GRM4: variants seen among roughly 807,000 people sequenced by gnomAD.
The protein encoded by GRM4 is metabotropic glutamate receptor 4.
Under a neutral mutation model 81.7 loss-of-function variants are expected in GRM4, and 28 were observed. The observed-to-expected ratio is 0.34, with a 90% CI of 0.25 to 0.47. The LOEUF (loss-of-function observed/expected upper bound fraction) is 0.47, where lower values mean the gene tolerates loss of function less well. Ranked by LOEUF, GRM4 falls within the 20% of genes least tolerant of loss-of-function variation. The pLI is 1.00. For missense variants in GRM4, 948 were observed against 1,290.0 expected (o/e 0.73, Z 4.06); for synonymous variants, 488 against 528.8 (o/e 0.92, Z 1.06).
rs762016714 is a variant in GRM4 at position 34,152,001 on chromosome 6, C to A, written c.312+3078G>T. On this transcript the variant is annotated intron_variant, in intron 1 of 8. Coordinates refer to the GRM4 transcript ENST00000374177. The surrounding 1 kb of genome is among the most constrained non-coding windows in gnomAD (Gnocchi z 4.1). ...AGGGCCAGGGACCTCACGACTGGGG[C>A]CTTAGATTGTGTCTGATGCCCCTGT... 6.6e-6 allele frequency among the ~76,000 whole-genome samples: 1 copy of A among 152,032 alleles called. No homozygotes were observed. Among genetic ancestry groups the A allele is most frequent in the Non-Finnish European group, 1.5e-5 (1 of 68,012 alleles).
rs78860211 is a variant in GRM4, at chr6:34,070,042, G to A, written c.737-8014C>T. Reference sequence around the variant, plus strand: ...ATGGAGAACTGAGTTCCTGACTGACGGGGTTTTGAAGGGACAGCTCGGCAG... The same window carrying A: ...ATGGAGAACTGAGTTCCTGACTGACAGGGTTTTGAAGGGACAGCTCGGCAG... On this transcript the variant is annotated intron_variant, in intron 3 of 10. Transcript: ENST00000538487. This position sits in a 1 kb window ranked among gnomAD's most constrained non-coding sequence, Gnocchi z 4.6. Among the ~76,000 whole-genome samples the A allele has an allele frequency of 0.076, 11,582 of 152,184 alleles. 893 individuals carry two copies. Among genetic ancestry groups the A allele is most frequent in the African/African-American group, 0.21 (8,566 of 41,510 alleles).
intron 8 of GRM4, 43 bp downstream of exon 8, chr6:34,040,135 C>T: frequency 1.3e-6 from 2 of 1,597,250 alleles, no homozygotes; most frequent in Non-Finnish European, 1.7e-6. Flanking sequence ...GGGGCTGGAA[C>T]TGCGTGAGTC....
chr6:34,039,825 AC>A (rs1162706217), intron 8 of GRM4, among the ~76,000 whole-genome samples: 1 of 44,806 alleles, frequency 2.2e-5, no homozygotes, highest in Non-Finnish European at 5.0e-5. Flanking sequence ...CCCCCCCATC[AC>A]CCCCCACTTG....
rs377272214 is a variant in GRM4, at chr6:34,061,858, C to T, written c.872+35G>A. ...CGTGGCTTTGCCCACACCTGCATGG[C>T]TCCCGGTGCCCACCCTGCTGCCACC... On this transcript the variant is annotated intron_variant, in intron 4 of 10. Coordinates refer to ENST00000538487, the MANE Select transcript of GRM4 (RefSeq NM_000841.4). 29 of 1,594,822 alleles carry T rather than the reference C, an allele frequency of 1.8e-5. No individual in the cohort carries two copies. In the African/African-American group the frequency reaches 2.7e-4, roughly 15 times the overall value.
Position 34,042,883 on chromosome 6 carries a change from C to T in GRM4, c.1169-2135G>A, listed in dbSNP as rs1490163569. Among the ~76,000 whole-genome samples the T allele has an allele frequency of 6.6e-6, 1 of 152,178 alleles. No individual in the cohort carries two copies. The highest frequency in any genetic ancestry group is 1.9e-4 in the East Asian group (1 of 5,192). ...GGCCACACCAGTGGCCACACCCACA[C>T]AAGGATGTGGGGATGGGGGATAGCT... On this transcript the variant is annotated intron_variant, in intron 6 of 10. Transcript: ENST00000538487. The surrounding 1 kb of genome is among the most constrained non-coding windows in gnomAD (Gnocchi z 4.2).
At chr6:34,053,774 T>C (rs1765727134) in intron 6 of GRM4, among the ~76,000 whole-genome samples, 1 of 152,216 alleles carries the variant, frequency 6.6e-6, no homozygotes, top group South Asian at 2.1e-4. Context: ...TAAACCGGAA[T>C]GTCTAGGGTA....
At position 34,034,338 on chromosome 6, in the gene GRM4, G is replaced by GT. The variant is rs530719066; in HGVS notation, c.2442+1329dup. Among the ~76,000 whole-genome samples, 279 of 152,090 alleles carry GT rather than the reference G, an allele frequency of 1.8e-3. 1 individual carries two copies. Among genetic ancestry groups the GT allele is most frequent in the African/African-American group, 6.1e-3 (253 of 41,448 alleles). ...ACTGTCTCCTCGTCTCCCACCCAACGTGCCATCCATTGGAAACCTGACCAG... is the reference window on the plus strand; with the variant it reads ...ACTGTCTCCTCGTCTCCCACCCAACGTTGCCATCCATTGGAAACCTGACCAG... On this transcript the variant is annotated intron_variant, in intron 9 of 10. Coordinates refer to ENST00000538487, the MANE Select transcript of GRM4 (RefSeq NM_000841.4). This position sits in a 1 kb window ranked among gnomAD's most constrained non-coding sequence, Gnocchi z 4.0.
chr6:34,089,265 C>T lies in GRM4; in HGVS notation c.736+2618G>A, dbSNP rs1318492560. On this transcript the variant is annotated intron_variant, in intron 3 of 10. Coordinates refer to ENST00000538487, the MANE Select transcript of GRM4 (RefSeq NM_000841.4). The surrounding 1 kb of genome is among the most constrained non-coding windows in gnomAD (Gnocchi z 4.3). ...TCAGAGTACGAATCAATACAATATA[C>T]GGCCAAAGACATCTTTAATCTTTCA... is the stretch of plus-strand genomic sequence containing the variant. 6.6e-6 allele frequency among the ~76,000 whole-genome samples: 1 copy of T among 152,096 alleles called. No homozygotes were observed. Among genetic ancestry groups the T allele is most frequent in the South Asian group, 2.1e-4 (1 of 4,820 alleles).
intron 1 of GRM4, among the ~76,000 whole-genome samples, chr6:34,143,841 T>A (rs1488765085): frequency 6.6e-6 from 1 of 152,170 alleles, no homozygotes; most frequent in Non-Finnish European, 1.5e-5. Flanking sequence ...TCTCCCTGCC[T>A]GCCCTAGGCC....
At position 34,115,744 on chromosome 6, in the gene GRM4, G is replaced by A. The variant is rs1769572769; in HGVS notation, c.519+17234C>T. ...ATAACTGTGCAGCGCGAGGCTGGAG[G>A]AGGAGTTCGAGGTTCTCACCCCAGC... On this transcript the variant is annotated intron_variant, in intron 2 of 10. Transcript: ENST00000538487. This position sits in a 1 kb window ranked among gnomAD's most constrained non-coding sequence, Gnocchi z 4.1. Among the ~76,000 whole-genome samples, 1 of 152,290 alleles carries A rather than the reference G, an allele frequency of 6.6e-6. No homozygotes were observed. Among genetic ancestry groups the A allele is most frequent in the East Asian group, 1.9e-4 (1 of 5,188 alleles).
chr6:34,087,798 C>CCACACACACACACACACACA (rs1561803686), intron 3 of GRM4, among the ~76,000 whole-genome samples: 2 of 7,954 alleles, frequency 2.5e-4, no homozygotes, highest in Non-Finnish European at 5.6e-4. Context: ...ACATGCACCC[C>CCACACACACACACACACACA]TACACACACA....
At chr6:34,116,154 C>A (rs954313583) in intron 2 of GRM4, among the ~76,000 whole-genome samples, 2 of 152,244 alleles carry the variant, frequency 1.3e-5, no homozygotes, top group South Asian at 4.1e-4. Flanking sequence ...TCAAAGTGGG[C>A]GAGCTGAAAA....
At chr6:34,075,127 G>A (rs2451350) in intron 3 of GRM4, among the ~76,000 whole-genome samples, 12,447 of 151,898 alleles carry the variant, frequency 0.082, 1,086 homozygotes, top group African/African-American at 0.21. Context: ...GGGCTGTGGC[G>A]AGCAGGGCCC....
chr6:34,071,406 C>A (rs1766828576), intron 3 of GRM4, among the ~76,000 whole-genome samples: 3 of 20,208 alleles, frequency 1.5e-4, no homozygotes, highest in African/African-American at 2.2e-4. Context: ...TGGATAAACA[C>A]CACACAGACA....
intron 10 of GRM4, among the ~76,000 whole-genome samples, chr6:34,026,799 C>G (rs1227983371): frequency 6.6e-6 from 1 of 152,160 alleles, no homozygotes; most frequent in African/African-American, 2.4e-5. Context: ...GGTGTCACCT[C>G]CGGGAGGGGC....
chr6:34,037,652 C>A (rs1764780001), intron 8 of GRM4, among the ~76,000 whole-genome samples: 1 of 152,038 alleles, frequency 6.6e-6, no homozygotes, highest in African/African-American at 2.4e-5. Context: ...ATCATGAGGT[C>A]AAGAGATCGA....
In GRM4 at chr6:34,078,713, T is replaced by A. The variant is rs2127476561; in HGVS notation, c.736+13170A>T. 6.6e-6 allele frequency among the ~76,000 whole-genome samples: 1 copy of A among 152,030 alleles called. No homozygotes were observed. Among genetic ancestry groups the A allele is most frequent in the East Asian group, 1.9e-4 (1 of 5,156 alleles). ...CCCTCTGTTCACTCTCCGCCCTCCC[T>A]CCCTCCTCTCCTCTTACTTGTCACT... is the stretch of plus-strand genomic sequence containing the variant. On this transcript the variant is annotated intron_variant, in intron 3 of 10. Transcript: ENST00000538487. The surrounding 1 kb of genome is among the most constrained non-coding windows in gnomAD (Gnocchi z 4.8).
At chr6:34,071,403 ACAC>A (rs1444553493) in intron 3 of GRM4, among the ~76,000 whole-genome samples, 1 of 42,126 alleles carries the variant, frequency 2.4e-5, no homozygotes, top group Non-Finnish European at 5.6e-5. Flanking sequence ...ACATGGATAA[ACAC>A]CACACAGACA....
intron 6 of GRM4, chr6:34,054,484 C>T (rs1431210610): frequency 6.6e-6 from 1 of 152,260 alleles, no homozygotes; most frequent in Non-Finnish European, 1.5e-5. Flanking sequence ...CTCTTCTGAA[C>T]CCTGCTCCAG....
Sources: gnomAD v4.1 joint callset for allele counts (sites outside exome capture counted in the v4.1 genomes callset) on GRCh38, gnomAD v4.1.1 for gene constraint, Gnocchi (gnomAD v3.1) non-coding constraint, MANE v1.5 for transcripts, NCBI Gene and HGNC (gene_info 2026-07-23, HGNC 2026-07-21) for gene names.